Variants in ARHGAP18 observed in about 807,000 individuals in gnomAD.
ARHGAP18 encodes rho GTPase-activating protein 18.
Under a neutral mutation model 86.2 loss-of-function variants are expected in ARHGAP18, and 67 were observed. The observed-to-expected ratio is 0.78, with a 90% CI of 0.64 to 0.95. The LOEUF is 0.95. ARHGAP18 is among the 40% of genes least tolerant of loss of function. ARHGAP18 has a pLI of 0.00. For synonymous variants in ARHGAP18, 283 were observed against 280.4 expected (o/e 1.01, Z -0.09); for missense variants, 691 against 780.4 (o/e 0.89, Z 1.37).
At chr6:129,708,693 G>A (rs1054804727) in intron 1 of ARHGAP18, among the ~76,000 whole-genome samples, 19 of 152,136 alleles carry the variant, frequency 1.2e-4, no homozygotes, top group Non-Finnish European at 4.4e-5. Context: ...GTATAATTTT[G>A]GCAATTTTGA....
At chr6:129,587,929 G>T (rs571185573) in intron 12 of ARHGAP18, among the ~76,000 whole-genome samples, 1 of 152,150 alleles carries the variant, frequency 6.6e-6, no homozygotes, top group African/African-American at 2.4e-5. Flanking sequence ...CAAGTCCAAG[G>T]CCTCATCTGA....
chr6:129,587,448 T>C (rs1788417356), intron 12 of ARHGAP18, among the ~76,000 whole-genome samples: 1 of 152,236 alleles, frequency 6.6e-6, no homozygotes, highest in African/African-American at 2.4e-5. Context: ...GAGCTGAATG[T>C]ATTAGTCTCT....
chr6:129,598,946 G>C (rs546360053), intron 12 of ARHGAP18: 28 of 236,218 alleles, frequency 1.2e-4, no homozygotes, highest in African/African-American at 6.4e-4. Flanking sequence ...GTAGGGGTGT[G>C]TGTGTGTGTG....
chr6:129,606,935 A>G (rs1788866189), intron 9 of ARHGAP18, among the ~76,000 whole-genome samples: 2 of 151,294 alleles, frequency 1.3e-5, no homozygotes, highest in African/African-American at 4.9e-5. Context: ...ATTTTGGCTC[A>G]CTGCAACCTC....
At chr6:129,686,111 A>G (rs1774419546) in intron 1 of ARHGAP18, among the ~76,000 whole-genome samples, 2 of 152,200 alleles carry the variant, frequency 1.3e-5, no homozygotes, top group Admixed American at 6.5e-5. Context: ...CTCTCCCGTG[A>G]TGCAGCACAG....
chr6:129,609,809 C>A (rs921874514), intron 8 of ARHGAP18, among the ~76,000 whole-genome samples: 1 of 152,020 alleles, frequency 6.6e-6, no homozygotes, highest in Admixed American at 6.5e-5. Flanking sequence ...TTACTCGAAT[C>A]CTATTAAAAT....
At chr6:129,598,678 T>C (rs1466372547) in intron 12 of ARHGAP18, among the ~76,000 whole-genome samples, 1 of 152,194 alleles carries the variant, frequency 6.6e-6, no homozygotes, top group Non-Finnish European at 1.5e-5. Context: ...ATTTTTTTCT[T>C]TCCAATTTAG....
chr6:129,616,154 A>G (rs1224331644), intron 7 of ARHGAP18, 58 bp downstream of exon 7: 25 of 1,331,988 alleles, frequency 1.9e-5, no homozygotes, highest in Non-Finnish European at 2.5e-5. Context: ...TATGAATACA[A>G]AAACCACTAT....
In ARHGAP18 at chr6:129,607,858, G is replaced by A. The variant is rs183911634; in HGVS notation, c.1282+35C>T. On this transcript the variant is annotated intron_variant, in intron 9 of 14. Coordinates refer to ENST00000368149, the MANE Select transcript of ARHGAP18 (RefSeq NM_033515.3). The stretch of plus-strand genomic sequence containing the variant: ...AAAACAATTAACATAGATGGCACCA[G>A]CAGAAGGACTGCTTCAAAGAGGGAT... 94 of 1,548,834 alleles carry A rather than the reference G, an allele frequency of 6.1e-5. 1 individual carries two copies. In the African/African-American group the frequency reaches 1.2e-3, roughly 20 times the overall value.
At chr6:129,706,871 G>C (rs1450861294) in intron 1 of ARHGAP18, among the ~76,000 whole-genome samples, 1 of 116,306 alleles carries the variant, frequency 8.6e-6, no homozygotes, top group Non-Finnish European at 1.7e-5. Context: ...GGGTGACAGA[G>C]TAAGACTCTG....
intron 4 of ARHGAP18, among the ~76,000 whole-genome samples, chr6:129,630,931 T>TTA (rs1469154646): frequency 6.6e-6 from 1 of 152,174 alleles, no homozygotes; most frequent in Non-Finnish European, 1.5e-5. Context: ...AAGAATACAT[T>TTA]TAAAGCCCGT....
At chr6:129,645,753 T>A (rs539168275) in intron 1 of ARHGAP18, among the ~76,000 whole-genome samples, 4 of 150,834 alleles carry the variant, frequency 2.7e-5, no homozygotes, top group African/African-American at 9.9e-5. Context: ...CAGAGTATAA[T>A]CATTTTGCCT....
chr6:129,677,619 T>C (rs981292909), intron 1 of ARHGAP18, among the ~76,000 whole-genome samples: 6 of 152,218 alleles, frequency 3.9e-5, no homozygotes, highest in Non-Finnish European at 5.9e-5. Flanking sequence ...GTGTGTGCTA[T>C]TCAACAAACT....
chr6:129,652,955 T>G (rs111412527), intron 1 of ARHGAP18, among the ~76,000 whole-genome samples: 5 of 152,344 alleles, frequency 3.3e-5, no homozygotes, highest in South Asian at 2.1e-4. Context: ...CAGTAGGACT[T>G]TCATATAACT....
At chr6:129,636,042 C>T (rs1338106598) in intron 3 of ARHGAP18, among the ~76,000 whole-genome samples, 1 of 152,220 alleles carries the variant, frequency 6.6e-6, no homozygotes, top group Non-Finnish European at 1.5e-5. Flanking sequence ...CCCCTTTTCA[C>T]TTCCTCTTAA....
intron 7 of ARHGAP18, among the ~76,000 whole-genome samples, chr6:129,612,899 G>A (rs766381723): frequency 7.2e-5 from 11 of 152,156 alleles, no homozygotes; most frequent in Non-Finnish European, 1.2e-4. Context: ...GAAAAGAGAA[G>A]CATCTTTGAT....
intron 1 of ARHGAP18, among the ~76,000 whole-genome samples, chr6:129,673,871 C>T (rs922941610): frequency 3.9e-5 from 6 of 152,102 alleles, no homozygotes; most frequent in Admixed American, 2.6e-4. Context: ...TATCTCAAAT[C>T]TTCTAAACTG....
At chr6:129,627,641 T>A (rs961032735) in intron 5 of ARHGAP18, among the ~76,000 whole-genome samples, 1 of 147,912 alleles carries the variant, frequency 6.8e-6, no homozygotes, top group Non-Finnish European at 1.5e-5. Flanking sequence ...GAGGAAGGGA[T>A]AGAGGGAAAG....
At chr6:129,580,243 C>A in intron 13 of ARHGAP18, 112 bp from the exon 14 acceptor site, 2 of 868,556 alleles carry the variant, frequency 2.3e-6, no homozygotes, top group Non-Finnish European at 1.9e-6. Context: ...AACTTAGACA[C>A]ACTGTAATTA....
Sources: gnomAD v4.1 joint callset for allele counts (sites outside exome capture counted in the v4.1 genomes callset) on GRCh38, gnomAD v4.1.1 for gene constraint, MANE v1.5 for transcripts, NCBI Gene and HGNC (gene_info 2026-07-23, HGNC 2026-07-21) for gene names.